ACVR1B: variants seen among roughly 807,000 people sequenced by gnomAD.
ACVR1B encodes activin A receptor type 1B, also known as activin receptor type-1B.
Under a neutral mutation model 55.6 loss-of-function variants are expected in ACVR1B, and 15 were observed. The ratio of observed to expected loss-of-function variants is 0.27; its 90% CI spans 0.18 to 0.42. The LOEUF (loss-of-function observed/expected upper bound fraction) is 0.42, where lower values mean the gene tolerates loss of function less well. Ranked by LOEUF, ACVR1B falls within the 10% of genes least tolerant of loss-of-function variation. ACVR1B has a pLI of 1.00. For missense variants in ACVR1B, 359 were observed against 670.1 expected (o/e 0.54, Z 5.13); for synonymous variants, 247 against 254.6 (o/e 0.97, Z 0.28).
chr12:51,961,278 A>C (rs1346279604), intron 1 of ACVR1B, among the ~76,000 whole-genome samples: 1 of 152,218 alleles, frequency 6.6e-6, no homozygotes, highest in East Asian at 1.9e-4. Context: ...GCATGTTTCA[A>C]GTACTTAATA....
chr12:51,952,845 A>G (rs1941333773), intron 1 of ACVR1B, among the ~76,000 whole-genome samples: 1 of 98,366 alleles, frequency 1.0e-5, no homozygotes, highest in Non-Finnish European at 2.0e-5. Context: ...TTACCTCCCA[A>G]TCCCCACAGT....
chr12:51,993,628 G>C (rs186937482), intron 8 of ACVR1B, among the ~76,000 whole-genome samples: 110 of 152,078 alleles, frequency 7.2e-4, no homozygotes, highest in African/African-American at 2.6e-3. Context: ...TCAGCTGGGC[G>C]TAGTGGTGTG....
intron 6 of ACVR1B, among the ~76,000 whole-genome samples, chr12:51,985,776 A>G (rs1454028479): frequency 6.6e-6 from 1 of 152,200 alleles, no homozygotes; most frequent in Non-Finnish European, 1.5e-5. Flanking sequence ...GTAACCCAGG[A>G]TAGAGATTTG....
rs1395527418 is a variant in ACVR1B at position 51,995,873 on chromosome 12, A to C, written c.*1763A>C. The C allele has an allele frequency of 6.6e-6, 1 of 152,466 alleles. No homozygotes were observed. Among genetic ancestry groups the C allele is most frequent in the African/African-American group, 2.4e-5 (1 of 41,332 alleles). The allele number at this position is 152,466 out of a possible 1,614,324, so 9.4% of individuals were successfully genotyped here. A position where few individuals can be genotyped will look rare whatever the true frequency, so the allele number is the denominator to read the frequency against. On this transcript the variant is annotated 3_prime_UTR_variant, in exon 9 of 9. Coordinates refer to ENST00000257963, the MANE Select transcript of ACVR1B (RefSeq NM_004302.5). The stretch of plus-strand genomic sequence containing the variant: ...TTTTTGCTCTAGGGCCCTTTCTTGC[A>C]CTGTCCAGCTGGTTGTACCCTCTCC...
intron 1 of ACVR1B, among the ~76,000 whole-genome samples, chr12:51,966,860 GATA>G (rs1208503779): frequency 3.9e-5 from 6 of 152,324 alleles, no homozygotes; most frequent in South Asian, 2.1e-4. Context: ...TTTTAGGTAT[GATA>G]ATGATATTGT....
chr12:51,956,953 G>A (rs532331442), intron 1 of ACVR1B, among the ~76,000 whole-genome samples: 29 of 151,950 alleles, frequency 1.9e-4, no homozygotes, highest in Non-Finnish European at 4.3e-4. Context: ...CTTTTTGGTA[G>A]AGACAGGGTT....
At chr12:51,974,888 G>C (rs1208204370) in intron 1 of ACVR1B, among the ~76,000 whole-genome samples, 1 of 152,224 alleles carries the variant, frequency 6.6e-6, no homozygotes, top group Admixed American at 6.5e-5. Flanking sequence ...CTTGGTTCCT[G>C]CTGGGGGAGA....
chr12:51,958,090 A>T (rs1051669039), intron 1 of ACVR1B, among the ~76,000 whole-genome samples: 8 of 152,232 alleles, frequency 5.3e-5, no homozygotes, highest in Non-Finnish European at 1.2e-4. Flanking sequence ...GGAAGGTACC[A>T]TGAATGTTGA....
At chr12:51,958,319 C>T (rs1195266040) in intron 1 of ACVR1B, among the ~76,000 whole-genome samples, 3 of 152,048 alleles carry the variant, frequency 2.0e-5, no homozygotes, top group South Asian at 2.1e-4. Context: ...GGACTGGTTT[C>T]GTGGAAGATA....
chr12:51,955,488 TAGCTGAGG>T (rs998524859), intron 1 of ACVR1B, among the ~76,000 whole-genome samples: 1 of 152,260 alleles, frequency 6.6e-6, no homozygotes, highest in African/African-American at 2.4e-5. Context: ...GTTCTCATAA[TAGCTGAGG>T]AGCACAGGGT....
chr12:51,967,046 C>T (rs1303143441), intron 1 of ACVR1B, among the ~76,000 whole-genome samples: 2 of 151,690 alleles, frequency 1.3e-5, no homozygotes, highest in East Asian at 3.9e-4. Context: ...CGAGACCATC[C>T]TGGCTAACAT....
chr12:51,966,091 A>G (rs1941635650), intron 1 of ACVR1B, among the ~76,000 whole-genome samples: 1 of 152,216 alleles, frequency 6.6e-6, no homozygotes, highest in Non-Finnish European at 1.5e-5. Context: ...AGAAAAAAGA[A>G]TTAACATCAC....
At chr12:51,963,725 T>C (rs553202328) in intron 1 of ACVR1B, among the ~76,000 whole-genome samples, 88 of 152,370 alleles carry the variant, frequency 5.8e-4, no homozygotes, top group African/African-American at 2.0e-3. Context: ...ACCTTTTGGC[T>C]ATTGTGAATA....
chr12:51,962,622 C>G (rs570977062), intron 1 of ACVR1B, among the ~76,000 whole-genome samples: 1 of 152,078 alleles, frequency 6.6e-6, no homozygotes, highest in Non-Finnish European at 1.5e-5. Flanking sequence ...TTATTGCCTT[C>G]CTGCCCCCCA....
intron 3 of ACVR1B, among the ~76,000 whole-genome samples, chr12:51,977,040 T>C (rs17645350): frequency 0.018 from 2,741 of 152,284 alleles, 27 homozygotes; most frequent in Non-Finnish European, 0.022. Flanking sequence ...CATTGACTTG[T>C]ACCAGTTGCC....
intron 7 of ACVR1B, chr12:51,987,840 G>T (rs1411788621): frequency 1.3e-5 from 2 of 152,276 alleles, no homozygotes; most frequent in African/African-American, 2.4e-5. Flanking sequence ...ATAACTGAAA[G>T]AATATAATTA....
At position 51,994,295 on chromosome 12, in the gene ACVR1B, C is replaced by CT; in HGVS notation, c.*189dup. ...CCCATGTTGGGTTTGAGACAGACAC[C>CT]TTTTCTATTTACCTCCTAATGGCAT... On this transcript the variant is annotated 3_prime_UTR_variant, in exon 9 of 9. Coordinates refer to ENST00000257963, the MANE Select transcript of ACVR1B (RefSeq NM_004302.5). The surrounding 1 kb of genome is among the most constrained non-coding windows in gnomAD (Gnocchi z 4.2). The CT allele has an allele frequency of 1.4e-6, 1 of 724,026 alleles. No individual in the cohort carries two copies. Among genetic ancestry groups the CT allele is most frequent in the Non-Finnish European group, 2.2e-6 (1 of 455,404 alleles). The allele number at this position is 724,026 out of a possible 1,614,324, so 44.9% of individuals were successfully genotyped here.
In ACVR1B at chr12:51,986,899, C is replaced by T. The variant is rs973608004; in HGVS notation, c.1218C>T (p.Leu406=). The change falls in exon 7 of 9, where the codon CTC becomes CTT. Residue 406 remains leucine, a synonymous_variant. Transcript: ENST00000257963. ...TTAAATGTGCTGATATTTATGCCCT[C>T]GGGCTTGTATATTGGGAGATTGCTC... ...DSFKCADIYA[L]GLVYWEIARR... is the part of the protein sequence containing the mutation. The T allele has an allele frequency of 1.3e-5, 21 of 1,614,078 alleles. No homozygotes were observed. The highest frequency in any genetic ancestry group is 4.0e-5 in the African/African-American group (3 of 74,924).
chr12:51,993,749 A>G lies in ACVR1B; in HGVS notation c.1393-236A>G, dbSNP rs190543660. On this transcript the variant is annotated intron_variant, in intron 8 of 8. Coordinates refer to ENST00000257963, the MANE Select transcript of ACVR1B (RefSeq NM_004302.5). The stretch of plus-strand genomic sequence containing the variant: ...GCCACTGCACTCCAGCCTGGGTGAC[A>G]GAGTGAGACTCCTTCTAAAAAAAAA... Among the ~76,000 whole-genome samples, 505 of 116,276 alleles carry G rather than the reference A, an allele frequency of 4.3e-3. 4 individuals are homozygous for G. The highest frequency in any genetic ancestry group is 0.016 in the African/African-American group (480 of 30,582). The allele number at this position is 116,276 out of a possible 152,430, so 76.3% of individuals were successfully genotyped here.
Sources: allele counts gnomAD v4.1 joint callset (sites outside exome capture counted in the v4.1 genomes callset), GRCh38; gene constraint gnomAD v4.1.1; non-coding constraint Gnocchi (gnomAD v3.1); transcripts MANE v1.5; gene names NCBI Gene and HGNC (gene_info 2026-07-23, HGNC 2026-07-21).